FUZ: variants seen among roughly 807,000 people sequenced by gnomAD.
FUZ encodes the protein fuzzy planar cell polarity protein, also known as protein fuzzy homolog.
Under a neutral mutation model 43.1 loss-of-function variants are expected in FUZ, and 31 were observed. The observed-to-expected ratio is 0.72, with a 90% CI of 0.54 to 0.97. The LOEUF is 0.97. FUZ is among the 50% of genes least tolerant of loss of function. The pLI is 0.00. For missense variants in FUZ, 539 were observed against 543.8 expected, an observed-to-expected ratio of 0.99 and a Z score of 0.09; for synonymous variants, 274 against 250.0, an observed-to-expected ratio of 1.10 and a Z score of -0.91.
At chr19:49,808,964 G>A (rs2073595660) in intron 7 of FUZ, 141 bp from the exon 8 acceptor site, 1 of 870,316 alleles carries the variant, frequency 1.1e-6, no homozygotes, top group Non-Finnish European at 1.8e-6. Flanking sequence ...GGGCAGAAGG[G>A]ACTGGGGAAG....
intron 10 of FUZ, among the ~76,000 whole-genome samples, chr19:49,807,940 C>CA (rs1468811983): frequency 6.6e-6 from 1 of 152,210 alleles, no homozygotes; most frequent in Non-Finnish European, 1.5e-5. Flanking sequence ...AATCCTCCTC[C>CA]ATACCCTCAG....
chr19:49,811,516 C>G (rs1362024695), intron 4 of FUZ, 49 bp from the exon 5 acceptor site: 2 of 1,592,858 alleles, frequency 1.3e-6, no homozygotes. Flanking sequence ...GGCCCAGGGT[C>G]AGACAACCAA....
At chr19:49,808,392 G>A in intron 10 of FUZ, 22 bp downstream of exon 10, 1 of 1,606,670 alleles carries the variant, frequency 6.2e-7, no homozygotes, top group Non-Finnish European at 8.5e-7. Context: ...TGCGCAGTGG[G>A]AGCACTGTGC....
rs1184216082 is a variant in FUZ at position 49,813,173 on chromosome 19, C to CA, written c.-68dup. On this transcript the variant is annotated 5_prime_UTR_variant, in exon 1 of 11. Coordinates refer to ENST00000313777, the MANE Select transcript of FUZ (RefSeq NM_025129.5). Reference sequence around the variant, plus strand: ...GCGGGTCTTGGAGCATGGCGGTAATCAGAGTAACTCGGCCTGTGGTCCGGA... The same window carrying CA: ...GCGGGTCTTGGAGCATGGCGGTAATCAAGAGTAACTCGGCCTGTGGTCCGGA... 7.2e-7 allele frequency: 1 copy of CA among 1,381,054 alleles called. No homozygotes were observed. The highest frequency in any genetic ancestry group is 1.2e-5 in the South Asian group (1 of 80,654). 85.5% of individuals were successfully genotyped at this position (1,381,054 alleles called of 1,614,324 possible).
chr19:49,808,299 C>G (rs1188361496), intron 10 of FUZ, 115 bp downstream of exon 10: 1 of 1,046,648 alleles, frequency 9.6e-7, no homozygotes, highest in Non-Finnish European at 1.4e-6. Context: ...GCCCTATGGC[C>G]CAGTGCATAC....
chr19:49,810,728 T>C (rs2073733697), intron 5 of FUZ, among the ~76,000 whole-genome samples: 1 of 148,816 alleles, frequency 6.7e-6, no homozygotes, highest in Non-Finnish European at 1.5e-5. Flanking sequence ...ACAGTGCCTA[T>C]AGTGTCAGCT....
rs1459439401 is a variant in FUZ, at chr19:49,808,566, T to C, written c.958+8A>G. On this transcript the variant is annotated splice_region_variant and intron_variant, in intron 9 of 10. Transcript: ENST00000313777. The stretch of plus-strand genomic sequence containing the variant: ...CCTACCCCTGCCCCTGCCCCTGTCC[T>C]CAGTCACCTTTATCCCCCAAGGGCT... 6.5e-7 allele frequency: 1 copy of C among 1,545,470 alleles called. No homozygotes were observed. Among genetic ancestry groups the C allele is most frequent in the Non-Finnish European group, 8.9e-7 (1 of 1,124,764 alleles).
chr19:49,808,585 A>G lies in FUZ; in HGVS notation c.947T>C (p.Leu316Ser). The change falls in exon 9 of 11, where the codon TTG becomes TCG. Residue 316 changes from leucine (L) to serine (S), a missense_variant. Transcript: ENST00000313777. Reference sequence around the variant, plus strand: ...CTGTCCTCAGTCACCTTTATCCCCCAAGGGCTCCACGGTGAAGAGGCAGCG... The same window carrying G: ...CTGTCCTCAGTCACCTTTATCCCCCGAGGGCTCCACGGTGAAGAGGCAGCG... ...LKRCLFTVEP[L>S]GDKEPSPEQR... 2 of 1,611,138 alleles carry G rather than the reference A, an allele frequency of 1.2e-6. No homozygotes were observed. The highest frequency in any genetic ancestry group is 1.7e-6 in the Non-Finnish European group (2 of 1,178,816).
At position 49,809,283 on chromosome 19, in the gene FUZ, T is replaced by A; in HGVS notation, c.691-25A>T. Reference sequence around the variant, plus strand: ...CCTGAAGCAGGGCACAGGCTGGGGCTCATCGCGGCCCGGCCCCTTTCCATC... The same window carrying A: ...CCTGAAGCAGGGCACAGGCTGGGGCACATCGCGGCCCGGCCCCTTTCCATC... On this transcript the variant is annotated intron_variant, in intron 6 of 10. Coordinates refer to ENST00000313777, the MANE Select transcript of FUZ (RefSeq NM_025129.5). This position sits in a 1 kb window ranked among gnomAD's most constrained non-coding sequence, Gnocchi z 5.1. 1 of 1,549,636 alleles carries A rather than the reference T, an allele frequency of 6.5e-7. No homozygotes were observed. The highest frequency in any genetic ancestry group is 8.7e-7 in the Non-Finnish European group (1 of 1,146,404).
chr19:49,808,632 C>A lies in FUZ; in HGVS notation c.900G>T (p.Leu300=). ...FPLHTDILGL[L]LLHLELKRCL... ...AGCGCTTCAGTTCCAGGTGGAGGAG[C>A]AGCAGCCTGTGGGAAAGGGAAGGGA... Residue 300 remains leucine, a synonymous_variant, in exon 9 of 11, where the codon CTG becomes CTT. Coordinates refer to ENST00000313777, the MANE Select transcript of FUZ (RefSeq NM_025129.5). 6.2e-7 allele frequency: 1 copy of A among 1,613,308 alleles called. No homozygotes were observed. The highest frequency in any genetic ancestry group is 8.5e-7 in the Non-Finnish European group (1 of 1,179,714).
rs2123805687 is a variant in FUZ at position 49,809,283 on chromosome 19, T to G, written c.691-25A>C. On this transcript the variant is annotated intron_variant, in intron 6 of 10. Transcript: ENST00000313777. This position sits in a 1 kb window ranked among gnomAD's most constrained non-coding sequence, Gnocchi z 5.1. The stretch of plus-strand genomic sequence containing the variant: ...CCTGAAGCAGGGCACAGGCTGGGGC[T>G]CATCGCGGCCCGGCCCCTTTCCATC... The G allele has an allele frequency of 6.5e-7, 1 of 1,549,636 alleles. No homozygotes were observed. The highest frequency in any genetic ancestry group is 8.7e-7 in the Non-Finnish European group (1 of 1,146,404).
Position 49,808,782 on chromosome 19 carries a change from C to T in FUZ, c.828G>A (p.Arg276=), listed in dbSNP as rs548411113. 54 of 1,562,154 alleles carry T rather than the reference C, an allele frequency of 3.5e-5. No individual in the cohort carries two copies. In the South Asian group the frequency reaches 6.3e-4, roughly 18 times the overall value. The change falls in exon 8 of 11, where the codon CGG becomes CGA. Residue 276 remains arginine, a synonymous_variant. Coordinates refer to ENST00000313777, the MANE Select transcript of FUZ (RefSeq NM_025129.5). ...RWWQPLLDPL[R]ACLPLGPRAL... is the part of the protein sequence containing the mutation. ...CCCGGGGTCCCAACGGCAGACAGGC[C>T]CGCAACGGGTCCAGCAGTGGCTGCC...
Position 49,811,702 on chromosome 19 carries a change from A to G in FUZ, c.319-3T>C, listed in dbSNP as rs891241885. 1.9e-6 allele frequency: 3 copies of G among 1,612,942 alleles called. No individual in the cohort carries two copies. The highest frequency in any genetic ancestry group is 1.7e-6 in the Non-Finnish European group (2 of 1,178,988). Reference sequence around the variant, plus strand: ...TCTTCAAGTCCCACAAGAAGGACCTAGAAGAATCATATAGGAGAGGATGGG... The same window carrying G: ...TCTTCAAGTCCCACAAGAAGGACCTGGAAGAATCATATAGGAGAGGATGGG... On this transcript the variant is annotated splice_region_variant and splice_polypyrimidine_tract_variant and intron_variant, in intron 3 of 10. Transcript: ENST00000313777.
rs1275901724 is a variant in FUZ at position 49,807,149 on chromosome 19, A to T, written c.*2T>A. ...CTGTGTCCATCACCCACTGCTAGGTAGTCAAAGAAGTGGGGTGAGGGCATG... is the reference window on the plus strand; with the variant it reads ...CTGTGTCCATCACCCACTGCTAGGTTGTCAAAGAAGTGGGGTGAGGGCATG... On this transcript the variant is annotated 3_prime_UTR_variant, in exon 11 of 11. Coordinates refer to ENST00000313777, the MANE Select transcript of FUZ (RefSeq NM_025129.5). 6.2e-7 allele frequency: 1 copy of T among 1,612,832 alleles called. No homozygotes were observed. The highest frequency in any genetic ancestry group is 1.7e-5 in the Admixed American group (1 of 59,824).
chr19:49,808,118 T>G (rs538660227), intron 10 of FUZ: 10 of 476,328 alleles, frequency 2.1e-5, no homozygotes, highest in African/African-American at 2.0e-4. Context: ...TCCTCACCTG[T>G]GAGGATGAAG....
Position 49,807,143 on chromosome 19 carries a change from CTAGG to C in FUZ, c.*4_*7del. The C allele has an allele frequency of 6.2e-7, 1 of 1,612,592 alleles. No individual in the cohort carries two copies. Among genetic ancestry groups the C allele is most frequent in the Middle Eastern group, 1.7e-4 (1 of 6,060 alleles). On this transcript the variant is annotated 3_prime_UTR_variant, in exon 11 of 11. Transcript: ENST00000313777. ...CCATGTCTGTGTCCATCACCCACTG[CTAGG>C]TAGTCAAAGAAGTGGGGTGAGGGCA...
chr19:49,807,288 G>C lies in FUZ; in HGVS notation c.1120C>G (p.Pro374Ala). ...ACYLVLGTEE[P>A]GTGVRLVALQ... ...GCCACCAGACGCACTCCTGTGCCTG[G>C]TTCCTCAGTCCCCAACACCAGGTAG... is the stretch of plus-strand genomic sequence containing the variant. Residue 374 changes from proline to alanine, a missense_variant, in exon 11 of 11, where the codon CCA becomes GCA. Physicochemically the swap from Pro to Ala is conservative, Grantham distance 27 (BLOSUM62 -1). Transcript: ENST00000313777. 3 of 1,613,498 alleles carry C rather than the reference G, an allele frequency of 1.9e-6. No homozygotes were observed. The African/African-American group carries it at 4.0e-5, about 22-fold the overall frequency.
intron 10 of FUZ, among the ~76,000 whole-genome samples, 166 bp from the exon 11 acceptor site, chr19:49,807,540 T>C (rs1255842441): frequency 3.3e-5 from 5 of 152,154 alleles, no homozygotes; most frequent in Non-Finnish European, 7.4e-5. Context: ...GTCAGCAACT[T>C]GAAGACCACA....
chr19:49,809,479 G>A lies in FUZ; in HGVS notation c.589C>T (p.Leu197=). The change falls in exon 6 of 11, where the codon CTG becomes TTG. Residue 197 remains leucine, a synonymous_variant. Transcript: ENST00000313777. This position sits in a 1 kb window ranked among gnomAD's most constrained non-coding sequence, Gnocchi z 5.1. ...VVAATEGWWR[L]GTPEAVLLPW... is the part of the protein sequence containing the mutation. Reference sequence around the variant, plus strand: ...AGCAGCACGGCCTCGGGCGTCCCCAGCCGCCACCAACCCTCTGTTGCTGCC... The same window carrying A: ...AGCAGCACGGCCTCGGGCGTCCCCAACCGCCACCAACCCTCTGTTGCTGCC... The A allele has an allele frequency of 6.3e-7, 1 of 1,580,198 alleles. No homozygotes were observed. Among genetic ancestry groups the A allele is most frequent in the African/African-American group, 1.3e-5 (1 of 74,494 alleles).
Sources: gnomAD v4.1 joint callset for allele counts (sites outside exome capture counted in the v4.1 genomes callset) on GRCh38, gnomAD v4.1.1 for gene constraint, Gnocchi (gnomAD v3.1) non-coding constraint, MANE v1.5 for transcripts, NCBI Gene and HGNC (gene_info 2026-07-23, HGNC 2026-07-21) for gene names.